BCO1: variants seen among roughly 807,000 people sequenced by gnomAD.
The protein encoded by BCO1 is beta-carotene oxygenase 1, also known as beta,beta-carotene 15,15'-dioxygenase.
A neutral mutation model predicts 56.3 loss-of-function variants in BCO1; 54 were observed. The observed-to-expected ratio is 0.96, with a 90% CI of 0.77 to 1.20. The LOEUF is 1.20. BCO1 is among the 50% of genes most tolerant of loss of function. The pLI is 0.00. For synonymous variants in BCO1, 318 were observed against 266.1 expected, an observed-to-expected ratio of 1.20 and a Z score of -1.90; for missense variants, 801 against 690.9, an observed-to-expected ratio of 1.16 and a Z score of -1.79.
intron 8 of BCO1, among the ~76,000 whole-genome samples, 168 bp from the exon 9 acceptor site, chr16:81,285,372 C>T (rs1908118552): frequency 6.6e-6 from 1 of 152,134 alleles, no homozygotes; most frequent in Non-Finnish European, 1.5e-5. Context: ...ACCAGAGGCT[C>T]CCTCCCCTGC....
chr16:81,276,959 C>G (rs145601105), intron 7 of BCO1, among the ~76,000 whole-genome samples: 27 of 148,266 alleles, frequency 1.8e-4, no homozygotes, highest in African/African-American at 6.7e-4. Context: ...CTCAGCTACT[C>G]AGGAAGCTGA....
intron 2 of BCO1, among the ~76,000 whole-genome samples, chr16:81,251,852 G>GCACA (rs747747653): frequency 5.0e-5 from 7 of 140,864 alleles, no homozygotes; most frequent in African/African-American, 1.4e-4. Flanking sequence ...ACACACACAC[G>GCACA]CACACACACA....
rs568362257 is a variant in BCO1 at position 81,255,503 on chromosome 16, AT to A, written c.194-4167del. On this transcript the variant is annotated intron_variant, in intron 2 of 10. Coordinates refer to ENST00000258168, the MANE Select transcript of BCO1 (RefSeq NM_017429.3). ...AAATGACATTATGTTATTTTTTTTT[AT>A]TTTTTATTTTTTTGAGATGGAGTCT... Among the ~76,000 whole-genome samples the A allele has an allele frequency of 1.8e-3, 263 of 149,200 alleles. 1 individual carries two copies. Among genetic ancestry groups the A allele is most frequent in the African/African-American group, 6.4e-3 (253 of 39,638 alleles).
In BCO1 at chr16:81,239,035, G is replaced by A. The variant is rs74843412; in HGVS notation, c.64+63G>A. 5.5e-6 allele frequency: 6 copies of A among 1,089,436 alleles called. No homozygotes were observed. The African/African-American group carries it at 8.7e-5, about 16-fold the overall frequency. The allele number at this position is 1,089,436 out of a possible 1,614,324, so 67.5% of individuals were successfully genotyped here. A position where few individuals can be genotyped will look rare whatever the true frequency, so the allele number is the denominator to read the frequency against. ...TTATTTTATTATTTTTTTTTTTTTT[G>A]AGGCGGAGTCTCGCTCTGTCGCCCG... On this transcript the variant is annotated intron_variant, in intron 1 of 10. Coordinates refer to ENST00000258168, the MANE Select transcript of BCO1 (RefSeq NM_017429.3).
rs540069056 is a variant in BCO1, at chr16:81,257,231, C to T, written c.194-2445C>T. On this transcript the variant is annotated intron_variant, in intron 2 of 10. Transcript: ENST00000258168. ...TCTCACCCCTGCCCCAGGAGGAATCCATGGATGTGGGTTTTTTGTTGTTGT... is the reference window on the plus strand; with the variant it reads ...TCTCACCCCTGCCCCAGGAGGAATCTATGGATGTGGGTTTTTTGTTGTTGT... Among the ~76,000 whole-genome samples, 18 of 152,230 alleles carry T rather than the reference C, an allele frequency of 1.2e-4. No homozygotes were observed. In the East Asian group the frequency reaches 2.5e-3, roughly 21 times the overall value.
At chr16:81,259,834 T>G in intron 3 of BCO1, 29 bp downstream of exon 3, 1 of 1,613,786 alleles carries the variant, frequency 6.2e-7, no homozygotes, top group Non-Finnish European at 8.5e-7. Context: ...TCTGAGCAAA[T>G]TTCATGCTTT....
rs1359900911 is a variant in BCO1, at chr16:81,290,982, T to C, written c.*405T>C. On this transcript the variant is annotated 3_prime_UTR_variant, in exon 11 of 11. Transcript: ENST00000258168. ...CTCTGTCTCTTTCTCTTTCCTTTGC[T>C]CCCTCCCATGTTTCTGGTGGACTAA... 1 of 177,524 alleles carries C rather than the reference T, an allele frequency of 5.6e-6. No homozygotes were observed. Among genetic ancestry groups the C allele is most frequent in the African/African-American group, 2.4e-5 (1 of 41,804 alleles). The allele number at this position is 177,524 out of a possible 1,614,324, so 11.0% of individuals were successfully genotyped here.
chr16:81,256,334 C>T (rs1363920562), intron 2 of BCO1, among the ~76,000 whole-genome samples: 2 of 152,114 alleles, frequency 1.3e-5, no homozygotes, highest in Non-Finnish European at 1.5e-5. Flanking sequence ...CTCCTCTAAG[C>T]CCATCCTGTG....
chr16:81,259,618 T>C, intron 2 of BCO1, 58 bp from the exon 3 acceptor site: 1 of 1,612,372 alleles, frequency 6.2e-7, no homozygotes, highest in Non-Finnish European at 8.5e-7. Flanking sequence ...GGACTGACAT[T>C]GATTTTAAAG....
At chr16:81,241,944 T>G (rs1226616543) in intron 1 of BCO1, among the ~76,000 whole-genome samples, 1 of 152,192 alleles carries the variant, frequency 6.6e-6, no homozygotes, top group Non-Finnish European at 1.5e-5. Context: ...TGTTCTTTTC[T>G]GTTTGATGAA....
intron 7 of BCO1, among the ~76,000 whole-genome samples, chr16:81,271,993 C>A (rs976701901): frequency 6.6e-6 from 1 of 152,108 alleles, no homozygotes; most frequent in Admixed American, 6.6e-5. Flanking sequence ...GCAATCTGCC[C>A]CCCTACGTCT....
At chr16:81,280,410 C>A (rs1907812912) in intron 7 of BCO1, among the ~76,000 whole-genome samples, 1 of 150,518 alleles carries the variant, frequency 6.6e-6, no homozygotes, top group South Asian at 2.1e-4. Context: ...TGAGCTCAGA[C>A]TGCATACGCA....
intron 7 of BCO1, 39 bp downstream of exon 7, chr16:81,270,455 G>T: frequency 1.9e-6 from 3 of 1,612,568 alleles, no homozygotes; most frequent in Non-Finnish European, 2.5e-6. Context: ...TTTCTAGAGA[G>T]ATATCGGCCC....
chr16:81,266,079 A>G lies in BCO1; in HGVS notation c.619+1292A>G, dbSNP rs117523015. Among the ~76,000 whole-genome samples the G allele has an allele frequency of 8.4e-3, 1,272 of 152,074 alleles. 13 individuals carry two copies. The highest frequency in any genetic ancestry group is 0.014 in the Non-Finnish European group (935 of 67,998). The stretch of plus-strand genomic sequence containing the variant: ...CATTCAGTTTTTCAGTCTCCTGACA[A>G]AACTTTCTATGACAAGGTTATGCCA... On this transcript the variant is annotated intron_variant, in intron 5 of 10. Coordinates refer to ENST00000258168, the MANE Select transcript of BCO1 (RefSeq NM_017429.3).
In BCO1 at chr16:81,290,348, G is replaced by C. The variant is rs143238312; in HGVS notation, c.1415G>C (p.Gly472Ala). 14,591 of 1,612,230 alleles carry C rather than the reference G, an allele frequency of 9.1e-3. 80 individuals carry two copies. Among genetic ancestry groups the C allele is most frequent in the Non-Finnish European group, 0.011 (13,515 of 1,178,296 alleles). The change falls in exon 11 of 11, where the codon GGA (glycine) becomes GCA (alanine). Residue 472 changes from glycine to alanine, a missense_variant and splice_region_variant. Transcript: ENST00000258168. ...GTGTTTTTTTTCTGTTTCCCTAAAG[G>C]AGTAATCTTATCAGCCATTGTCTCT... ...PAPGAKDEDD[G>A]VILSAIVSTD...
chr16:81,269,903 A>G (rs1907078459), intron 6 of BCO1, among the ~76,000 whole-genome samples: 1 of 152,086 alleles, frequency 6.6e-6, no homozygotes. Context: ...CTGTCCTCCT[A>G]GTGACTGCAA....
chr16:81,281,124 T>C (rs572313371), intron 8 of BCO1, among the ~76,000 whole-genome samples, 162 bp downstream of exon 8: 1 of 152,078 alleles, frequency 6.6e-6, no homozygotes, highest in Non-Finnish European at 1.5e-5. Flanking sequence ...CATTTCTCTT[T>C]TCTCTATCTT....
At chr16:81,270,927 G>A (rs1033308879) in intron 7 of BCO1, among the ~76,000 whole-genome samples, 2 of 151,960 alleles carry the variant, frequency 1.3e-5, no homozygotes, top group Admixed American at 6.6e-5. Context: ...TGTATTTTTA[G>A]TAGAGACGGG....
chr16:81,242,467 C>G (rs1259665553), intron 1 of BCO1, among the ~76,000 whole-genome samples: 4 of 152,096 alleles, frequency 2.6e-5, no homozygotes, highest in African/African-American at 9.7e-5. Context: ...TCCCCTAGTG[C>G]TAGGATAACA....
Sources: allele counts gnomAD v4.1 joint callset (sites outside exome capture counted in the v4.1 genomes callset), GRCh38; gene constraint gnomAD v4.1.1; transcripts MANE v1.5; gene names NCBI Gene and HGNC (gene_info 2026-07-23, HGNC 2026-07-21).